SAMD7: variants seen among roughly 807,000 people sequenced by gnomAD.
SAMD7 encodes sterile alpha motif domain containing 7, also known as sterile alpha motif domain-containing protein 7.
Under a neutral mutation model 36.7 loss-of-function variants are expected in SAMD7, and 34 were observed. The ratio of observed to expected loss-of-function variants is 0.93; its 90% CI spans 0.71 to 1.23. The LOEUF is 1.23. Ranked by LOEUF, SAMD7 falls within the 50% of genes most tolerant of loss-of-function variation. SAMD7 has a pLI of 0.00. For synonymous variants in SAMD7, 188 were observed against 189.7 expected, an observed-to-expected ratio of 0.99 and a Z score of 0.07; for missense variants, 570 against 546.6, an observed-to-expected ratio of 1.04 and a Z score of -0.43.
At chr3:169,927,231 AG>A in intron 6 of SAMD7, 50 bp downstream of exon 6, 1 of 1,406,776 alleles carries the variant, frequency 7.1e-7, no homozygotes, top group Non-Finnish European at 9.6e-7. Context: ...CAGGTTGCCA[AG>A]TCCGTAGGTT....
In SAMD7 at chr3:169,921,346, C is replaced by T; in HGVS notation, c.211+8C>T. ...CCAGTCGGATCTACCCAGGTATGAGCAATAGAAGTTTGGCTCTCATCTGTG... is the reference window on the plus strand; with the variant it reads ...CCAGTCGGATCTACCCAGGTATGAGTAATAGAAGTTTGGCTCTCATCTGTG... On this transcript the variant is annotated splice_region_variant and intron_variant, in intron 4 of 8. Transcript: ENST00000335556. 6.2e-7 allele frequency: 1 copy of T among 1,612,514 alleles called. No homozygotes were observed. The highest frequency in any genetic ancestry group is 8.5e-7 in the Non-Finnish European group (1 of 1,178,730).
intron 5 of SAMD7, chr3:169,926,223 C>T: frequency 7.7e-7 from 1 of 1,298,452 alleles, no homozygotes; most frequent in Non-Finnish European, 1.0e-6. Flanking sequence ...GGTTTGAAAA[C>T]CTCTTCCCAG....
At chr3:169,913,300 T>A (rs1441772420) in intron 1 of SAMD7, among the ~76,000 whole-genome samples, 1 of 152,178 alleles carries the variant, frequency 6.6e-6, no homozygotes, top group Non-Finnish European at 1.5e-5. Context: ...CAAACTCAAA[T>A]TGCACTGATT....
intron 7 of SAMD7, among the ~76,000 whole-genome samples, chr3:169,929,584 G>A (rs1713407976): frequency 6.6e-6 from 1 of 152,078 alleles, no homozygotes; most frequent in Admixed American, 6.6e-5. Context: ...TTCAAATCCT[G>A]GCTTTTCTAT....
At chr3:169,931,018 T>C (rs1390128308) in intron 7 of SAMD7, among the ~76,000 whole-genome samples, 1 of 152,056 alleles carries the variant, frequency 6.6e-6, no homozygotes, top group Non-Finnish European at 1.5e-5. Flanking sequence ...ACTCACCTCC[T>C]GTAGGTAGAA....
Position 169,921,303 on chromosome 3 carries a change from A to G in SAMD7, c.176A>G (p.Asn59Ser). Residue 59 changes from asparagine to serine, a missense_variant, in exon 4 of 9, where the codon AAT (asparagine) becomes AGT (serine). Physicochemically the swap from Asn to Ser is conservative, Grantham distance 46 (BLOSUM62 1). Coordinates refer to ENST00000335556, the MANE Select transcript of SAMD7 (RefSeq NM_001304366.2). ...GGATCCTCTGTTCTACCAAACACAA[A>G]TATGGCAAATGTGTTGTCCAGTCGG... ...QFGSSVLPNTNMANVLSSRIY... is the reference protein window; with the variant it reads ...QFGSSVLPNTSMANVLSSRIY... 6.2e-7 allele frequency: 1 copy of G among 1,614,074 alleles called. No individual in the cohort carries two copies. The highest frequency in any genetic ancestry group is 2.2e-5 in the East Asian group (1 of 44,880).
intron 7 of SAMD7, among the ~76,000 whole-genome samples, chr3:169,935,733 G>C (rs1230967592): frequency 6.6e-6 from 1 of 152,130 alleles, no homozygotes; most frequent in Non-Finnish European, 1.5e-5. Context: ...CCCTCTATCT[G>C]CCTGGAATCT....
At chr3:169,932,890 C>A in intron 7 of SAMD7, 1 of 631,692 alleles carries the variant, frequency 1.6e-6, no homozygotes, top group South Asian at 1.5e-5. Context: ...ACTATAAGAA[C>A]TTTCAAGATA....
intron 2 of SAMD7, among the ~76,000 whole-genome samples, chr3:169,917,906 G>T (rs1712877295): frequency 6.6e-6 from 1 of 151,404 alleles, no homozygotes; most frequent in Non-Finnish European, 1.5e-5. Context: ...CTCCCAAAAT[G>T]CTGGGATTAC....
At chr3:169,938,230 A>G in intron 8 of SAMD7, 88 bp from the exon 9 acceptor site, 1 of 825,036 alleles carries the variant, frequency 1.2e-6, no homozygotes, top group South Asian at 1.7e-5. Context: ...GCCTGAAATT[A>G]CCTCAGCCTC....
chr3:169,924,192 CAAAG>C (rs923429295), intron 4 of SAMD7, among the ~76,000 whole-genome samples: 34 of 151,524 alleles, frequency 2.2e-4, no homozygotes, highest in Admixed American at 1.8e-3. Flanking sequence ...TTACAGATAA[CAAAG>C]AACCTCATTT....
chr3:169,920,683 T>G (rs1559949203), intron 3 of SAMD7, among the ~76,000 whole-genome samples: 1 of 152,220 alleles, frequency 6.6e-6, no homozygotes, highest in Non-Finnish European at 1.5e-5. Context: ...TTTTTTGTTT[T>G]TTGTTGTTGT....
rs2108261835 is a variant in SAMD7, at chr3:169,926,881, G to GA, written c.625dup (p.Ile209AsnfsTer11). On this transcript the variant is annotated frameshift_variant, in exon 6 of 9. Transcript: ENST00000335556. LOFTEE classifies it high-confidence loss of function. ...TGAGAGTTCCAAAAGTCAAGCAGAA[G>GA]AAAAAATCCTAGGTCAGACTCATGC... is the stretch of plus-strand genomic sequence containing the variant. 6.2e-7 allele frequency: 1 copy of GA among 1,613,784 alleles called. No individual in the cohort carries two copies.
intron 5 of SAMD7, among the ~76,000 whole-genome samples, chr3:169,925,688 T>G (rs1713230062): frequency 6.6e-6 from 1 of 152,196 alleles, no homozygotes; most frequent in South Asian, 2.1e-4. Context: ...ATTGCACCAC[T>G]GTGCTCCAGC....
chr3:169,923,316 C>T (rs1006130572), intron 4 of SAMD7, among the ~76,000 whole-genome samples: 8 of 152,152 alleles, frequency 5.3e-5, no homozygotes, highest in Non-Finnish European at 1.0e-4. Flanking sequence ...TGGAACTGGG[C>T]CCACTCAGTA....
rs1327677105 is a variant in SAMD7, at chr3:169,938,681, C to G, written c.*175C>G. The G allele has an allele frequency of 4.2e-6, 2 of 475,608 alleles. No individual in the cohort carries two copies. Among genetic ancestry groups the G allele is most frequent in the African/African-American group, 4.0e-5 (2 of 50,298 alleles). 29.5% of individuals were successfully genotyped at this position (475,608 alleles called of 1,614,324 possible). ...GGGCTTCCCTGCCAGGGCTGAATGACCCCAGCACCAAATGACTGGAGACGC... is the reference window on the plus strand; with the variant it reads ...GGGCTTCCCTGCCAGGGCTGAATGAGCCCAGCACCAAATGACTGGAGACGC... On this transcript the variant is annotated 3_prime_UTR_variant, in exon 9 of 9. Coordinates refer to ENST00000335556, the MANE Select transcript of SAMD7 (RefSeq NM_001304366.2).
chr3:169,926,143 T>G, intron 5 of SAMD7: 1 of 585,518 alleles, frequency 1.7e-6, no homozygotes, highest in Non-Finnish European at 2.8e-6. Flanking sequence ...GCCACTTGCA[T>G]TTATTTATAA....
intron 4 of SAMD7, among the ~76,000 whole-genome samples, chr3:169,921,563 G>A (rs551149095): frequency 5.3e-5 from 8 of 152,288 alleles, no homozygotes; most frequent in African/African-American, 1.2e-4. Flanking sequence ...CATGAATAAC[G>A]TGAAGAACTG....
chr3:169,927,114 G>T lies in SAMD7; in HGVS notation c.852G>T (p.Glu284Asp), dbSNP rs368607651. The change falls in exon 6 of 9, where the codon GAG becomes GAT. Residue 284 changes from glutamate (E) to aspartate (D), a missense_variant. By Grantham distance (45) the Glu-to-Asp change is conservative. Coordinates refer to ENST00000335556, the MANE Select transcript of SAMD7 (RefSeq NM_001304366.2). Reference protein sequence around the residue: ...AWDDGKEEASEQIFATCDEKN... With the variant: ...AWDDGKEEASDQIFATCDEKN... Reference sequence around the variant, plus strand: ...ACGATGGGAAAGAGGAGGCTTCGGAGCAGATTTTTGCAACCTGTGATGAAA... The same window carrying T: ...ACGATGGGAAAGAGGAGGCTTCGGATCAGATTTTTGCAACCTGTGATGAAA... 2.9e-5 allele frequency: 46 copies of T among 1,579,176 alleles called. No individual in the cohort carries two copies. The highest frequency in any genetic ancestry group is 3.8e-5 in the Non-Finnish European group (45 of 1,168,952).
Sources: allele counts gnomAD v4.1 joint callset (sites outside exome capture counted in the v4.1 genomes callset), GRCh38; gene constraint gnomAD v4.1.1; transcripts MANE v1.5; gene names NCBI Gene and HGNC (gene_info 2026-07-23, HGNC 2026-07-21).